Variants in DGKI observed in about 807,000 individuals in gnomAD.
DGKI encodes diacylglycerol kinase iota.
A neutral mutation model predicts 147.5 loss-of-function variants in DGKI; 55 were observed. That is an observed-to-expected ratio of 0.37 (90% confidence interval 0.30 to 0.47). The LOEUF (loss-of-function observed/expected upper bound fraction) is 0.47. Among genes scored for constraint, DGKI ranks in the 20% least tolerant of loss-of-function variants. The pLI is 1.00. For missense variants in DGKI, 1,007 were observed against 1,323.8 expected (o/e 0.76, Z 3.71); for synonymous variants, 469 against 477.1 (o/e 0.98, Z 0.22).
At chr7:137,550,967 A>AT (rs1818025440) in intron 20 of DGKI, among the ~76,000 whole-genome samples, 1 of 152,114 alleles carries the variant, frequency 6.6e-6, no homozygotes. Context: ...GGCATGCCAC[A>AT]TTTTTTAACA....
intron 8 of DGKI, among the ~76,000 whole-genome samples, chr7:137,618,980 T>C (rs921922462): frequency 6.6e-6 from 1 of 152,102 alleles, no homozygotes; most frequent in African/African-American, 2.4e-5. Flanking sequence ...CCTGAGTCAA[T>C]GAGAATGAAT....
chr7:137,622,147 A>G (rs1585296642), intron 7 of DGKI, among the ~76,000 whole-genome samples: 1 of 152,234 alleles, frequency 6.6e-6, no homozygotes, highest in Admixed American at 6.5e-5. Context: ...AGCTTTCCAG[A>G]CCACCGAGTC....
chr7:137,682,990 T>G (rs747993776), intron 2 of DGKI, among the ~76,000 whole-genome samples: 1 of 152,202 alleles, frequency 6.6e-6, no homozygotes, highest in Non-Finnish European at 1.5e-5. Context: ...TTTGAGTCTT[T>G]CATTTGCTGC....
At chr7:137,585,113 A>G in intron 14 of DGKI, 96 bp downstream of exon 14, 1 of 1,385,596 alleles carries the variant, frequency 7.2e-7, no homozygotes, top group Non-Finnish European at 1.0e-6. Flanking sequence ...TCTCATAGGA[A>G]TTCATCAGCA....
intron 20 of DGKI, among the ~76,000 whole-genome samples, chr7:137,525,651 T>C (rs1433255234): frequency 6.6e-6 from 1 of 152,178 alleles, no homozygotes; most frequent in Non-Finnish European, 1.5e-5. Context: ...CTCATAGGCA[T>C]ATTAAGAGAA....
intron 28 of DGKI, among the ~76,000 whole-genome samples, chr7:137,436,429 T>C (rs566725489): frequency 9.9e-5 from 15 of 152,020 alleles, no homozygotes; most frequent in Non-Finnish European, 2.1e-4. Flanking sequence ...TTACACCAGC[T>C]CAAATTTCAG....
intron 6 of DGKI, among the ~76,000 whole-genome samples, chr7:137,638,570 A>ATG (rs1821471027): frequency 1.2e-4 from 6 of 51,484 alleles, no homozygotes; most frequent in South Asian, 7.5e-4. Context: ...ATATACACAC[A>ATG]TATATGTATA....
chr7:137,667,358 A>G (rs1425904098), intron 3 of DGKI, among the ~76,000 whole-genome samples: 1 of 152,154 alleles, frequency 6.6e-6, no homozygotes, highest in Non-Finnish European at 1.5e-5. Flanking sequence ...AAGTCATAAC[A>G]AAACAAGTTA....
intron 6 of DGKI, among the ~76,000 whole-genome samples, chr7:137,645,164 G>A (rs1000195516): frequency 6.6e-5 from 10 of 152,246 alleles, no homozygotes; most frequent in Admixed American, 1.3e-4. Context: ...AAAGTACGAT[G>A]AGCCAGTTGT....
intron 1 of DGKI, among the ~76,000 whole-genome samples, chr7:137,814,053 A>G (rs1797666862): frequency 6.6e-6 from 1 of 152,204 alleles, no homozygotes; most frequent in South Asian, 2.1e-4. Context: ...TACTGCCTCT[A>G]TCGATCAATG....
At chr7:137,399,454 C>G (rs1415205731) in intron 30 of DGKI, among the ~76,000 whole-genome samples, 1 of 152,198 alleles carries the variant, frequency 6.6e-6, no homozygotes, top group African/African-American at 2.4e-5. Flanking sequence ...CAGCACAGGA[C>G]AGTGACCAGG....
At chr7:137,489,384 T>C (rs890382851) in intron 21 of DGKI, among the ~76,000 whole-genome samples, 5 of 152,306 alleles carry the variant, frequency 3.3e-5, no homozygotes, top group Non-Finnish European at 7.4e-5. Flanking sequence ...GTAACTGTCA[T>C]ATCTTTGGGG....
At chr7:137,507,314 G>C (rs1010466204) in intron 21 of DGKI, among the ~76,000 whole-genome samples, 1 of 152,186 alleles carries the variant, frequency 6.6e-6, no homozygotes, top group Non-Finnish European at 1.5e-5. Context: ...TCATCCACAA[G>C]ATAAAAGTAA....
At chr7:137,414,898 A>G (rs750492424) in intron 28 of DGKI, among the ~76,000 whole-genome samples, 5 of 151,824 alleles carry the variant, frequency 3.3e-5, no homozygotes, top group Non-Finnish European at 7.4e-5. Context: ...TAACAGCTGC[A>G]CTGCTCACCT....
chr7:137,500,771 G>T (rs1816143915), intron 21 of DGKI, among the ~76,000 whole-genome samples: 1 of 151,838 alleles, frequency 6.6e-6, no homozygotes, highest in African/African-American at 2.4e-5. Context: ...ACGTTTATGG[G>T]GTACATGTGA....
intron 21 of DGKI, among the ~76,000 whole-genome samples, chr7:137,499,827 T>C (rs536861698): frequency 7.9e-5 from 12 of 152,322 alleles, no homozygotes; most frequent in African/African-American, 2.9e-4. Context: ...ATTCCCATAA[T>C]AGATGTCCTG....
At chr7:137,428,877 A>T (rs911944402) in intron 28 of DGKI, among the ~76,000 whole-genome samples, 1 of 152,190 alleles carries the variant, frequency 6.6e-6, no homozygotes, top group African/African-American at 2.4e-5. Flanking sequence ...GGAGAACTAC[A>T]AACAACTGCT....
chr7:137,604,891 G>A (rs772718549), intron 10 of DGKI, among the ~76,000 whole-genome samples: 2 of 152,150 alleles, frequency 1.3e-5, no homozygotes, highest in Non-Finnish European at 1.5e-5. Context: ...TTGACATTAA[G>A]GCAAACAGAA....
At chr7:137,753,709 G>C (rs1408646630) in intron 1 of DGKI, among the ~76,000 whole-genome samples, 1 of 152,166 alleles carries the variant, frequency 6.6e-6, no homozygotes, top group African/African-American at 2.4e-5. Flanking sequence ...AAGGTGGACA[G>C]AGGACATAGA....
Sources: allele counts gnomAD v4.1 joint callset (sites outside exome capture counted in the v4.1 genomes callset), GRCh38; gene constraint gnomAD v4.1.1; transcripts MANE v1.5; gene names NCBI Gene and HGNC (gene_info 2026-07-23, HGNC 2026-07-21).